The following DPY19L1 variants were observed in gnomAD, a reference collection of about 807,000 sequenced individuals.
The protein encoded by DPY19L1 is protein C-mannosyl-transferase DPY19L1.
A neutral mutation model predicts 96.9 loss-of-function variants in DPY19L1; 35 were observed. That is an observed-to-expected ratio of 0.36 (90% CI 0.28 to 0.48). DPY19L1 has a LOEUF of 0.48. Among genes scored for constraint, DPY19L1 ranks in the 20% least tolerant of loss-of-function variants. DPY19L1 has a pLI of 0.99. For synonymous variants in DPY19L1, 205 were observed against 252.6 expected (o/e 0.81, Z 1.79); for missense variants, 521 against 777.9 (o/e 0.67, Z 3.93).
At chr7:34,937,194 T>C (rs1011196867) in intron 21 of DPY19L1, among the ~76,000 whole-genome samples, 3 of 152,252 alleles carry the variant, frequency 2.0e-5, no homozygotes, top group African/African-American at 7.2e-5. Context: ...AACATCTCTG[T>C]GGAAATAGAA....
At chr7:34,985,211 G>A (rs1343375542) in intron 7 of DPY19L1, among the ~76,000 whole-genome samples, 1 of 152,080 alleles carries the variant, frequency 6.6e-6, no homozygotes, top group Non-Finnish European at 1.5e-5. Flanking sequence ...GACTAATGGG[G>A]AATCAGGAAA....
intron 21 of DPY19L1, 70 bp downstream of exon 21, chr7:34,937,924 G>A: frequency 6.5e-7 from 1 of 1,529,412 alleles, no homozygotes. Flanking sequence ...CACCAGCAAA[G>A]CATGTGCCAT....
At chr7:34,983,455 T>C (rs577380882) in intron 7 of DPY19L1, among the ~76,000 whole-genome samples, 6 of 146,734 alleles carry the variant, frequency 4.1e-5, no homozygotes, top group African/African-American at 1.3e-4. Flanking sequence ...GGAGGCTCTA[T>C]GGAATAAATG....
At chr7:35,016,522 T>C (rs1417139709) in intron 3 of DPY19L1, among the ~76,000 whole-genome samples, 5 of 152,210 alleles carry the variant, frequency 3.3e-5, no homozygotes, top group Admixed American at 6.5e-5. Context: ...AGAAGAATTA[T>C]AGCTAATAAG....
At chr7:34,943,738 T>C (rs939265452) in intron 16 of DPY19L1, among the ~76,000 whole-genome samples, 19 of 152,202 alleles carry the variant, frequency 1.2e-4, no homozygotes, top group Admixed American at 6.5e-5. Context: ...TTATTACTCT[T>C]GAAGGGACAG....
intron 1 of DPY19L1, among the ~76,000 whole-genome samples, chr7:35,027,668 T>TGAAAAAAAAAAAAAAAA: frequency 1.4e-5 from 1 of 71,388 alleles, no homozygotes; most frequent in East Asian, 3.8e-4. Flanking sequence ...CCGTCTCTAC[T>TGAAAAAAAAAAAAAAAA]AAAAAAAAAA....
rs185799106 is a variant in DPY19L1, at chr7:34,958,534, A to C, written c.1093-464T>G. Among the ~76,000 whole-genome samples the C allele has an allele frequency of 5.5e-3, 840 of 152,340 alleles. 5 individuals carry two copies. The highest frequency in any genetic ancestry group is 0.019 in the African/African-American group (783 of 41,580). ...TATTTTGTTTTGTTTGGATCTTCCC[A>C]ATACAAACACTGCTATGATAGACAT... On this transcript the variant is annotated intron_variant, in intron 10 of 21. Coordinates refer to ENST00000638088, the MANE Select transcript of DPY19L1 (RefSeq NM_001366673.1).
intron 6 of DPY19L1, among the ~76,000 whole-genome samples, chr7:35,007,439 C>T (rs555756717): frequency 9.0e-4 from 137 of 152,286 alleles, no homozygotes; most frequent in Non-Finnish European, 4.1e-4. Flanking sequence ...TAGCCACTGA[C>T]ATTGGAAGAA....
rs1310499380 is a variant in DPY19L1 at position 34,929,890 on chromosome 7, C to T, written c.*1683G>A. 1.3e-5 allele frequency: 2 copies of T among 152,274 alleles called. No homozygotes were observed. The highest frequency in any genetic ancestry group is 2.9e-5 in the Non-Finnish European group (2 of 68,068). The allele number at this position is 152,274 out of a possible 1,614,324, so 9.4% of individuals were successfully genotyped here. A position where few individuals can be genotyped will look rare whatever the true frequency, so the allele number is the denominator to read the frequency against. ...GAAGAACGCTGCCAGAGTCCCTCTC[C>T]TGGGCTGCCTCCAGGGAAGGAGCAT... On this transcript the variant is annotated 3_prime_UTR_variant, in exon 22 of 22. Transcript: ENST00000638088.
chr7:35,034,841 T>A (rs576815784), intron 1 of DPY19L1, among the ~76,000 whole-genome samples: 1 of 152,212 alleles, frequency 6.6e-6, no homozygotes, highest in South Asian at 2.1e-4. Flanking sequence ...AACAAAAGAA[T>A]ATGCAATGCA....
intron 10 of DPY19L1, among the ~76,000 whole-genome samples, chr7:34,964,129 A>C (rs1401877578): frequency 6.6e-6 from 1 of 152,092 alleles, no homozygotes. Flanking sequence ...TGGAAAAATA[A>C]TTTTTTGGAA....
chr7:35,013,773 T>G, intron 3 of DPY19L1, 68 bp from the exon 4 acceptor site: 1 of 1,290,226 alleles, frequency 7.8e-7, no homozygotes, highest in East Asian at 2.5e-5. Flanking sequence ...TCTAAGTAAA[T>G]ACACTGTTTT....
At chr7:34,979,410 G>A (rs1363789282) in intron 7 of DPY19L1, among the ~76,000 whole-genome samples, 3 of 152,116 alleles carry the variant, frequency 2.0e-5, no homozygotes, top group African/African-American at 7.2e-5. Context: ...GATTCAAATT[G>A]CACTGTCAAA....
At chr7:34,981,014 G>A (rs765739341) in intron 7 of DPY19L1, among the ~76,000 whole-genome samples, 3 of 152,196 alleles carry the variant, frequency 2.0e-5, no homozygotes, top group Admixed American at 1.3e-4. Context: ...GAAGGATGGG[G>A]AGGGATACAG....
At chr7:34,969,281 TAA>T in intron 9 of DPY19L1, 150 bp downstream of exon 9, 1 of 427,048 alleles carries the variant, frequency 2.3e-6, no homozygotes, top group Non-Finnish European at 4.2e-6. Flanking sequence ...TCAATATTTC[TAA>T]AAAATGTTTT....
In DPY19L1 at chr7:34,949,821, C is replaced by T. The variant is rs755938303; in HGVS notation, c.1398G>A (p.Ala466=). The T allele has an allele frequency of 9.2e-5, 148 of 1,603,540 alleles. No homozygotes were observed. Among genetic ancestry groups the T allele is most frequent in the East Asian group, 3.8e-4 (17 of 44,522 alleles). The part of the protein sequence containing the change: ...DFDTLLYTCA[A]EFDFMEKETP... ...CCTCTTTTTCCATAAAGTCAAACTC[C>T]GCTGCACAGGTATACAATAAAGTAT... Residue 466 remains alanine, a synonymous_variant, in exon 14 of 22, where the codon GCG becomes GCA. Coordinates refer to ENST00000638088, the MANE Select transcript of DPY19L1 (RefSeq NM_001366673.1).
chr7:35,000,639 C>A (rs1785403304), intron 6 of DPY19L1: 2 of 152,160 alleles, frequency 1.3e-5, no homozygotes, highest in African/African-American at 4.8e-5. Context: ...CCTATCAAAC[C>A]AAAACAATGC....
intron 4 of DPY19L1, among the ~76,000 whole-genome samples, chr7:35,012,180 T>C (rs1008176474): frequency 1.8e-4 from 27 of 152,232 alleles, no homozygotes; most frequent in Admixed American, 2.6e-4. Context: ...GACTAGTCAA[T>C]AGGGAAAGAC....
At chr7:34,940,015 G>A (rs576355088) in intron 19 of DPY19L1, 138 bp downstream of exon 19, 10 of 720,214 alleles carry the variant, frequency 1.4e-5, no homozygotes, top group Non-Finnish European at 1.8e-5. Flanking sequence ...CTTTGTTTTA[G>A]ATATTCTAAA....
Sources: gnomAD v4.1 joint callset for allele counts (sites outside exome capture counted in the v4.1 genomes callset) on GRCh38, gnomAD v4.1.1 for gene constraint, MANE v1.5 for transcripts, NCBI Gene and HGNC (gene_info 2026-07-23, HGNC 2026-07-21) for gene names.